Variants in ADGRG2 observed in about 807,000 individuals in gnomAD.
The protein encoded by ADGRG2 is adhesion G protein-coupled receptor G2.
ADGRG2 carries 26 observed loss-of-function variants against 74.1 expected under a neutral mutation model. That is an observed-to-expected ratio of 0.35 (90% CI 0.26 to 0.49). The LOEUF is 0.49. ADGRG2 is among the 20% of genes least tolerant of loss of function. The pLI is 0.99. For missense variants in ADGRG2, 619 were observed against 763.1 expected (o/e 0.81, Z 2.22); for synonymous variants, 296 against 295.2 (o/e 1.00, Z -0.03).
intron 25 of ADGRG2, 115 bp from the exon 26 acceptor site, chrX:18,999,394 G>T: frequency 1.6e-6 from 1 of 640,090 alleles, no homozygotes; most frequent in Non-Finnish European, 2.4e-6. Context: ...ACCAGTACAA[G>T]AGAAAAAAAA....
intron 4 of ADGRG2, among the ~76,000 whole-genome samples, chrX:19,039,937 T>A (rs1263236662): frequency 2.7e-5 from 3 of 112,194 alleles, no homozygotes; most frequent in Admixed American, 9.5e-5. Context: ...ACTTAAGTAA[T>A]TACTGTAATG....
chrX:18,995,098 A>C, intron 27 of ADGRG2, 50 bp from the exon 28 acceptor site: 84 of 966,176 alleles, frequency 8.7e-5, no homozygotes, highest in Middle Eastern at 5.7e-4. Context: ...GTTGAAGCTC[A>C]AACGCAAGAG....
intron 16 of ADGRG2, 71 bp downstream of exon 16, chrX:19,013,615 A>T: frequency 1.1e-6 from 1 of 923,271 alleles, no homozygotes; most frequent in Non-Finnish European, 1.5e-6. Context: ...CATCATACAA[A>T]GAAAGGCTCA....
intron 1 of ADGRG2, among the ~76,000 whole-genome samples, chrX:19,086,323 G>T (rs1007534193): frequency 5.4e-5 from 6 of 111,135 alleles, no homozygotes; most frequent in African/African-American, 2.0e-4. Flanking sequence ...GAGAAATTTC[G>T]CAGAGAAGAA....
intron 12 of ADGRG2, 115 bp downstream of exon 12, chrX:19,023,794 T>A: frequency 1.8e-6 from 1 of 553,639 alleles, no homozygotes; most frequent in East Asian, 3.4e-5. Context: ...TTCATTCTCT[T>A]ACACAACAAA....
intron 1 of ADGRG2, among the ~76,000 whole-genome samples, chrX:19,091,869 C>T (rs763823202): frequency 8.9e-6 from 1 of 112,294 alleles, no homozygotes; most frequent in Non-Finnish European, 1.9e-5. Context: ...TTACGGTATT[C>T]GAGGTGAGAA....
chrX:19,111,925 GAATC>G (rs1178968312), intron 1 of ADGRG2, among the ~76,000 whole-genome samples: 1 of 110,924 alleles, frequency 9.0e-6, no homozygotes, highest in Non-Finnish European at 1.9e-5. Flanking sequence ...ATAAATAGAT[GAATC>G]AATCAATAAA....
At chrX:19,054,801 C>T (rs1204383360) in intron 3 of ADGRG2, among the ~76,000 whole-genome samples, 1 of 111,842 alleles carries the variant, frequency 8.9e-6, no homozygotes, top group African/African-American at 3.3e-5. Context: ...TGTGGGAGAT[C>T]TGGGCAGATG....
Position 19,009,760 on chromosome X carries a change from T to C in ADGRG2, c.1288A>G (p.Ile430Val). ...AQRLLKVVDD[I>V]GLQLNFSNTT... is the part of the protein sequence containing the mutation. ...TTTGAAAAGTTCAGCTGTAGGCCAATGTCATCCACTACTTTCAGCAATCTG... is the reference window on the plus strand; with the variant it reads ...TTTGAAAAGTTCAGCTGTAGGCCAACGTCATCCACTACTTTCAGCAATCTG... Residue 430 changes from isoleucine to valine, a missense_variant, in exon 18 of 29, where the codon ATT becomes GTT. Around this residue, in one of 3 missense-constraint regions of ADGRG2, gnomAD observed 221 missense variants for 340.6 expected, o/e 0.65. Coordinates refer to ENST00000379869, the MANE Select transcript of ADGRG2 (RefSeq NM_001079858.3). 2 of 1,196,354 alleles carry C rather than the reference T, an allele frequency of 1.7e-6. No homozygotes were observed. The highest frequency in any genetic ancestry group is 2.3e-4 in the Middle Eastern group (1 of 4,291).
intron 15 of ADGRG2, 114 bp from the exon 16 acceptor site, chrX:19,014,188 G>C: frequency 1.8e-6 from 1 of 569,323 alleles, no homozygotes; most frequent in East Asian, 3.7e-5. Context: ...TTACATCAGG[G>C]ACATGACACT....
intron 3 of ADGRG2, among the ~76,000 whole-genome samples, chrX:19,063,779 T>C (rs536403630): frequency 1.8e-5 from 2 of 111,777 alleles, no homozygotes; most frequent in Non-Finnish European, 3.8e-5. Flanking sequence ...GGAGGGGGAT[T>C]TAATTCTTCC....
chrX:19,043,834 G>A (rs2061122967), intron 3 of ADGRG2, among the ~76,000 whole-genome samples: 1 of 108,421 alleles, frequency 9.2e-6, no homozygotes, highest in Admixed American at 9.9e-5. Context: ...TTCGAGCACT[G>A]CCATGTGAAT....
intron 1 of ADGRG2, among the ~76,000 whole-genome samples, chrX:19,103,440 C>T (rs2062224296): frequency 8.9e-6 from 1 of 111,751 alleles, no homozygotes; most frequent in South Asian, 3.8e-4. Context: ...TCGAGCAGCC[C>T]ATGCCACTGC....
intron 3 of ADGRG2, among the ~76,000 whole-genome samples, chrX:19,068,459 G>T (rs868126712): frequency 9.0e-6 from 1 of 110,529 alleles, no homozygotes; most frequent in Middle Eastern, 4.6e-3. Context: ...AAGGGGTGGG[G>T]GGGAAGGAAA....
intron 15 of ADGRG2, among the ~76,000 whole-genome samples, chrX:19,018,289 G>T (rs909229072): frequency 9.3e-6 from 1 of 107,993 alleles, no homozygotes; most frequent in African/African-American, 3.5e-5. Flanking sequence ...TTGTTTGTTT[G>T]TTTGTTTTTT....
intron 12 of ADGRG2, 77 bp from the exon 13 acceptor site, chrX:19,023,530 G>A: frequency 1.7e-6 from 1 of 577,130 alleles, no homozygotes; most frequent in South Asian, 3.0e-5. Context: ...GAAGACCTAA[G>A]GCTAATCACA....
chrX:19,069,971 C>A (rs143149615), intron 2 of ADGRG2, among the ~76,000 whole-genome samples: 4 of 112,255 alleles, frequency 3.6e-5, no homozygotes, highest in Non-Finnish European at 7.5e-5. Flanking sequence ...AAAGAATGCG[C>A]GGTAACACAT....
At chrX:19,109,638 G>T (rs775907758) in intron 1 of ADGRG2, among the ~76,000 whole-genome samples, 1 of 111,844 alleles carries the variant, frequency 8.9e-6, no homozygotes, top group South Asian at 3.7e-4. Flanking sequence ...CACAGGAAAT[G>T]ATACTATTAA....
chrX:19,120,881 G>C (rs754651470), intron 1 of ADGRG2, among the ~76,000 whole-genome samples: 1 of 112,096 alleles, frequency 8.9e-6, no homozygotes, highest in Non-Finnish European at 1.9e-5. Flanking sequence ...ATATTTCTTT[G>C]ACATATTTTG....
Sources: allele counts gnomAD v4.1 joint callset (sites outside exome capture counted in the v4.1 genomes callset), GRCh38; gene constraint gnomAD v4.1.1; regional missense constraint gnomAD v4.1.1; transcripts MANE v1.5; gene names NCBI Gene and HGNC (gene_info 2026-07-23, HGNC 2026-07-21).